The following ADCY10 variants were observed in gnomAD, a reference collection of about 807,000 sequenced individuals.
The protein encoded by ADCY10 is adenylate cyclase type 10.
A neutral mutation model predicts 183.3 loss-of-function variants in ADCY10; 156 were observed. The observed-to-expected ratio is 0.85, with a 90% CI of 0.75 to 0.97. ADCY10 has a LOEUF of 0.97. Among genes scored for constraint, ADCY10 ranks in the 50% least tolerant of loss-of-function variants. The pLI is 0.00. For missense variants in ADCY10, 1,745 were observed against 1,934.3 expected (o/e 0.90, Z 1.84); for synonymous variants, 645 against 670.0 (o/e 0.96, Z 0.58).
chr1:167,887,149 G>A (rs1668284330), intron 8 of ADCY10, among the ~76,000 whole-genome samples: 1 of 152,086 alleles, frequency 6.6e-6, no homozygotes, highest in South Asian at 2.1e-4. Flanking sequence ...GATTCCTCAA[G>A]GATCTAGAAC....
chr1:167,818,025 T>A (rs767517177), intron 31 of ADCY10, 47 bp downstream of exon 31: 1 of 1,538,894 alleles, frequency 6.5e-7, no homozygotes, highest in South Asian at 1.1e-5. Flanking sequence ...TAGACAGAGA[T>A]CCATTTAAGG....
intron 21 of ADCY10, among the ~76,000 whole-genome samples, chr1:167,844,176 A>G (rs1319752871): frequency 6.6e-6 from 1 of 152,350 alleles, no homozygotes; most frequent in African/African-American, 2.4e-5. Context: ...TAATAGAACT[A>G]GACTCAGGTA....
chr1:167,822,717 T>C (rs150690893), intron 29 of ADCY10, among the ~76,000 whole-genome samples: 1 of 152,222 alleles, frequency 6.6e-6, no homozygotes, highest in Non-Finnish European at 1.5e-5. Context: ...AGGCACATAG[T>C]AAGACAGTCA....
chr1:167,875,821 C>T (rs151240399), intron 12 of ADCY10, among the ~76,000 whole-genome samples: 518 of 152,184 alleles, frequency 3.4e-3, no homozygotes, highest in African/African-American at 0.011. Context: ...GGCATGGTGG[C>T]GGTTGCCTGT....
At chr1:167,866,091 C>T (rs559614694) in intron 14 of ADCY10, among the ~76,000 whole-genome samples, 71 of 152,298 alleles carry the variant, frequency 4.7e-4, no homozygotes, top group Non-Finnish European at 9.3e-4. Flanking sequence ...ATCAATCAGT[C>T]AGCCCTTGTT....
intron 2 of ADCY10, 139 bp from the exon 3 acceptor site, chr1:167,904,130 C>T (rs1669657332): frequency 6.8e-6 from 4 of 587,552 alleles, no homozygotes; most frequent in Non-Finnish European, 1.2e-5. Context: ...CTTTGTAGCC[C>T]AGGCTGGAGG....
intron 13 of ADCY10, among the ~76,000 whole-genome samples, chr1:167,872,679 A>T (rs781505785): frequency 2.7e-5 from 4 of 150,898 alleles, no homozygotes; most frequent in African/African-American, 9.8e-5. Context: ...GCCTCTGACA[A>T]TCTGTGTTTG....
Position 167,837,451 on chromosome 1 carries a change from C to T in ADCY10, c.3008-133G>A, listed in dbSNP as rs1664305172. ...CAGCCAGAAACCACATTGCCTAGTC[C>T]CCATTGTATCTTAGGTGAAGCCACG... On this transcript the variant is annotated intron_variant, in intron 21 of 32. Transcript: ENST00000367851. 2.3e-5 allele frequency: 17 copies of T among 747,302 alleles called. No individual in the cohort carries two copies. The South Asian group carries it at 2.5e-4, about 11-fold the overall frequency. 46.3% of individuals were successfully genotyped at this position (747,302 alleles called of 1,614,324 possible).
rs539368377 is a variant in ADCY10 at position 167,827,490 on chromosome 1, A to G, written c.3750+1777T>C. ...CTGCTGATTTAATGTACTTTTATAA[A>G]GGAGCAAGGTCACTCTCATTAGATG... On this transcript the variant is annotated intron_variant, in intron 26 of 32. Coordinates refer to ENST00000367851, the MANE Select transcript of ADCY10 (RefSeq NM_018417.6). Among the ~76,000 whole-genome samples, 8 of 151,430 alleles carry G rather than the reference A, an allele frequency of 5.3e-5. No homozygotes were observed. The South Asian group carries it at 1.7e-3, about 32-fold the overall frequency.
At chr1:167,845,438 T>A (rs1344902946) in intron 21 of ADCY10, 125 bp downstream of exon 21, 2 of 984,876 alleles carry the variant, frequency 2.0e-6, no homozygotes, top group Admixed American at 2.2e-5. Flanking sequence ...TGAAGTCTCA[T>A]CATTCTTTGT....
rs2102023072 is a variant in ADCY10 at position 167,856,275 on chromosome 1, T to C, written c.2061A>G (p.Ile687Met). The change falls in exon 17 of 33, where the codon ATA becomes ATG. Residue 687 changes from isoleucine to methionine, a missense_variant. By Grantham distance (10) the Ile-to-Met change is conservative. Transcript: ENST00000367851. ...NIPCAAARAV[I>M]KNRNTTYIVI... ...CAATGTAGGTGGTGTTCCTGTTCTT[T>C]ATTACGGCCCTGGCAGCTGCACAGG... 6.2e-7 allele frequency: 1 copy of C among 1,613,904 alleles called. No homozygotes were observed. Among genetic ancestry groups the C allele is most frequent in the Non-Finnish European group, 8.5e-7 (1 of 1,179,882 alleles).
At chr1:167,853,408 G>GA (rs1199363567) in intron 18 of ADCY10, among the ~76,000 whole-genome samples, 1 of 152,070 alleles carries the variant, frequency 6.6e-6, no homozygotes, top group East Asian at 1.9e-4. Flanking sequence ...AGGACCCAAG[G>GA]AAAAACGTGG....
intron 14 of ADCY10, among the ~76,000 whole-genome samples, chr1:167,868,126 A>T (rs1666834869): frequency 6.6e-6 from 1 of 152,208 alleles, no homozygotes; most frequent in Admixed American, 6.5e-5. Flanking sequence ...TCTATGATTA[A>T]CTAAATGTGC....
intron 13 of ADCY10, among the ~76,000 whole-genome samples, chr1:167,871,791 T>C (rs1571359658): frequency 6.6e-6 from 1 of 152,254 alleles, no homozygotes; most frequent in East Asian, 1.9e-4. Flanking sequence ...TGAGAACTAC[T>C]TAGCAGACTG....
intron 18 of ADCY10, among the ~76,000 whole-genome samples, chr1:167,849,954 G>A (rs935740443): frequency 6.6e-5 from 10 of 152,140 alleles, no homozygotes; most frequent in Admixed American, 2.0e-4. Flanking sequence ...TGTGGGAGAC[G>A]TGTTTGGAGA....
rs1337390511 is a variant in ADCY10, at chr1:167,848,292, G to A, written c.2437+69C>T. ...TCTCAAACTCCTGACCTTGTGATCC[G>A]CCCGCCTCGGCCTCCCAAAGTGCTG... is the stretch of plus-strand genomic sequence containing the variant. On this transcript the variant is annotated intron_variant, in intron 19 of 32. Coordinates refer to ENST00000367851, the MANE Select transcript of ADCY10 (RefSeq NM_018417.6). 54 of 1,321,168 alleles carry A rather than the reference G, an allele frequency of 4.1e-5. No individual in the cohort carries two copies. In the Middle Eastern group the frequency reaches 9.0e-4, roughly 22 times the overall value. 81.8% of individuals were successfully genotyped at this position (1,321,168 alleles called of 1,614,324 possible).
Position 167,859,556 on chromosome 1 carries a change from A to G in ADCY10, c.1896+251T>C, listed in dbSNP as rs1367464231. On this transcript the variant is annotated intron_variant, in intron 16 of 32. Transcript: ENST00000367851. ...TACATTATATCTCAACAAAGGATGA[A>G]AAAATGAGTGCTGAGAGAGGCCAGA... Among the ~76,000 whole-genome samples, 3 of 152,178 alleles carry G rather than the reference A, an allele frequency of 2.0e-5. No homozygotes were observed. In the East Asian group the frequency reaches 5.8e-4, roughly 29 times the overall value.
chr1:167,867,698 C>A (rs553854217), intron 14 of ADCY10, among the ~76,000 whole-genome samples: 2 of 151,818 alleles, frequency 1.3e-5, no homozygotes, highest in Admixed American at 1.3e-4. Flanking sequence ...GAGGGATCCC[C>A]AAGCATGTAA....
At chr1:167,820,789 G>A (rs1299763023) in intron 30 of ADCY10, 1 of 152,180 alleles carries the variant, frequency 6.6e-6, no homozygotes, top group Admixed American at 6.5e-5. Flanking sequence ...ATTAAAATTA[G>A]CCAGGCGTGG....
Sources: gnomAD v4.1 joint callset for allele counts (sites outside exome capture counted in the v4.1 genomes callset) on GRCh38, gnomAD v4.1.1 for gene constraint, MANE v1.5 for transcripts, NCBI Gene and HGNC (gene_info 2026-07-23, HGNC 2026-07-21) for gene names.